Variants in STX2 observed in about 807,000 individuals in gnomAD.
STX2 encodes the protein syntaxin-2.
In STX2, 27 loss-of-function variants were observed where a neutral mutation model predicts 40.6. That is an observed-to-expected ratio of 0.66 (90% CI 0.49 to 0.92). The LOEUF (loss-of-function observed/expected upper bound fraction) is 0.92. Among genes scored for constraint, STX2 ranks in the 40% least tolerant of loss-of-function variants. The probability of loss-of-function intolerance (pLI) is 0.00; values close to 1 mark genes in which losing one functional copy is unlikely to be tolerated. For synonymous variants in STX2, 123 were observed against 119.1 expected, an observed-to-expected ratio of 1.03 and a Z score of -0.22; for missense variants, 328 against 366.1, an observed-to-expected ratio of 0.90 and a Z score of 0.85.
intron 2 of STX2, among the ~76,000 whole-genome samples, chr12:130,822,303 G>C (rs1952145063): frequency 1.3e-5 from 2 of 152,072 alleles, no homozygotes; most frequent in Admixed American, 6.6e-5. Flanking sequence ...TGTGATCCCA[G>C]CTACTCAGGA....
At chr12:130,799,354 C>G (rs1951139148) in intron 8 of STX2, among the ~76,000 whole-genome samples, 1 of 152,132 alleles carries the variant, frequency 6.6e-6, no homozygotes, top group African/African-American at 2.4e-5. Context: ...GAAACAAAGC[C>G]AGGGATGCAG....
chr12:130,827,252 C>T lies in STX2; in HGVS notation c.46G>A (p.Asp16Asn). ...PDLTACRKND[D>N]GDTVVVVEKD... The stretch of plus-strand genomic sequence containing the variant: ...TCAACCACAACAACTGTGTCTCCAT[C>T]ATCATTCTTCCTACACTACAATGAA... The change falls in exon 2 of 11, where the codon GAT becomes AAT. Residue 16 changes from aspartate (D) to asparagine (N), a missense_variant. Physicochemically the swap from Asp to Asn is conservative, Grantham distance 23. Transcript: ENST00000392373. The T allele has an allele frequency of 1.9e-6, 3 of 1,613,648 alleles. No individual in the cohort carries two copies. Among genetic ancestry groups the T allele is most frequent in the Non-Finnish European group, 2.5e-6 (3 of 1,179,798 alleles).
intron 3 of STX2, among the ~76,000 whole-genome samples, chr12:130,815,734 A>G (rs2136298091): frequency 6.6e-6 from 1 of 152,310 alleles, no homozygotes; most frequent in South Asian, 2.1e-4. Context: ...CTTGGCTGTG[A>G]CAGTCACAGC....
At chr12:130,811,273 G>A (rs1317630058) in intron 4 of STX2, among the ~76,000 whole-genome samples, 7 of 147,950 alleles carry the variant, frequency 4.7e-5, no homozygotes, top group Middle Eastern at 3.3e-3. Flanking sequence ...CAGGAGAGTC[G>A]CTTGAGTCCA....
chr12:130,806,039 G>A (rs1430609920), intron 6 of STX2, among the ~76,000 whole-genome samples: 3 of 152,192 alleles, frequency 2.0e-5, no homozygotes, highest in African/African-American at 7.2e-5. Flanking sequence ...TGTCTCCGAT[G>A]AAACATACAC....
intron 2 of STX2, among the ~76,000 whole-genome samples, chr12:130,824,615 G>A (rs1388660080): frequency 6.6e-6 from 1 of 152,094 alleles, no homozygotes; most frequent in Non-Finnish European, 1.5e-5. Flanking sequence ...GAATAACATA[G>A]CACAGGGGTC....
In STX2 at chr12:130,821,805, GTCATT is replaced by G; in HGVS notation, c.106-22_106-18del. On this transcript the variant is annotated intron_variant, in intron 2 of 10. Coordinates refer to ENST00000392373, the MANE Select transcript of STX2 (RefSeq NM_194356.4). The stretch of plus-strand genomic sequence containing the variant: ...CTCCTCCACCTAGGAGAGAGAGAGA[GTCATT>G]ACAGCATGGCAAACTCAAATCTGTG... 4 of 1,542,256 alleles carry G rather than the reference GTCATT, an allele frequency of 2.6e-6. No homozygotes were observed. Among genetic ancestry groups the G allele is most frequent in the Non-Finnish European group, 3.6e-6 (4 of 1,116,994 alleles).
chr12:130,816,080 C>A (rs1435522884), intron 3 of STX2, among the ~76,000 whole-genome samples: 1 of 152,118 alleles, frequency 6.6e-6, no homozygotes, highest in Non-Finnish European at 1.5e-5. Flanking sequence ...TGCAAACACC[C>A]CCAAGGCCTG....
chr12:130,822,487 G>A (rs764910923), intron 2 of STX2, among the ~76,000 whole-genome samples: 3 of 152,032 alleles, frequency 2.0e-5, no homozygotes, highest in African/African-American at 4.8e-5. Flanking sequence ...TACAGCCAAG[G>A]CTTCATAATT....
intron 1 of STX2, among the ~76,000 whole-genome samples, chr12:130,830,791 T>G (rs369311664): frequency 6.6e-6 from 1 of 152,216 alleles, no homozygotes; most frequent in African/African-American, 2.4e-5. Context: ...CAGGCTGAGA[T>G]AGTGCAACAG....
chr12:130,808,141 C>T (rs1471239298), intron 5 of STX2, among the ~76,000 whole-genome samples: 3 of 152,184 alleles, frequency 2.0e-5, no homozygotes, highest in African/African-American at 7.2e-5. Context: ...ATAGCTCCTC[C>T]CTCACCTCAG....
intron 3 of STX2, among the ~76,000 whole-genome samples, chr12:130,815,533 C>G (rs1951826631): frequency 6.6e-6 from 1 of 152,232 alleles, no homozygotes; most frequent in Non-Finnish European, 1.5e-5. Context: ...CTCCAGCTTA[C>G]AAATAAGCCC....
intron 1 of STX2, among the ~76,000 whole-genome samples, chr12:130,836,143 G>A (rs1207339448): frequency 1.3e-5 from 2 of 152,060 alleles, no homozygotes; most frequent in African/African-American, 4.8e-5. Context: ...CACATTTCCT[G>A]GGGCGGGGCG....
intron 1 of STX2, among the ~76,000 whole-genome samples, chr12:130,828,263 G>A (rs1952402001): frequency 6.6e-6 from 1 of 151,934 alleles, no homozygotes; most frequent in South Asian, 2.1e-4. Context: ...CTGTCGCCCA[G>A]GCTGGAGTGT....
At chr12:130,806,646 A>G (rs1565911651) in intron 6 of STX2, among the ~76,000 whole-genome samples, 1 of 152,220 alleles carries the variant, frequency 6.6e-6, no homozygotes, top group Non-Finnish European at 1.5e-5. Flanking sequence ...ACAAGGAGAG[A>G]TGTGAGGAGC....
intron 10 of STX2, among the ~76,000 whole-genome samples, chr12:130,793,293 T>C (rs919215121): frequency 3.9e-5 from 6 of 152,098 alleles, no homozygotes; most frequent in African/African-American, 1.4e-4. Flanking sequence ...AGCCACTCTC[T>C]CATCCTCTAT....
intron 2 of STX2, among the ~76,000 whole-genome samples, chr12:130,826,439 G>A (rs767233481): frequency 5.9e-5 from 9 of 152,142 alleles, no homozygotes; most frequent in East Asian, 1.9e-4. Context: ...AGCCAGCACC[G>A]GGTGGGAGAA....
intron 1 of STX2, among the ~76,000 whole-genome samples, chr12:130,836,280 T>C (rs2136372615): frequency 6.6e-6 from 1 of 152,342 alleles, no homozygotes; most frequent in South Asian, 2.1e-4. Context: ...CTTTTCTCTT[T>C]TTTTGAGACA....
At chr12:130,824,477 G>A (rs1952226694) in intron 2 of STX2, among the ~76,000 whole-genome samples, 2 of 152,202 alleles carry the variant, frequency 1.3e-5, no homozygotes, top group Admixed American at 1.3e-4. Flanking sequence ...GGAGAGTTCT[G>A]CAATATACAC....
Sources: gnomAD v4.1 joint callset for allele counts (sites outside exome capture counted in the v4.1 genomes callset) on GRCh38, gnomAD v4.1.1 for gene constraint, MANE v1.5 for transcripts, NCBI Gene and HGNC (gene_info 2026-07-23, HGNC 2026-07-21) for gene names.